ASTN2: variants seen among roughly 807,000 people sequenced by gnomAD.
ASTN2 encodes the protein astrotactin-2.
A neutral mutation model predicts 139.8 loss-of-function variants in ASTN2; 54 were observed. The observed-to-expected ratio is 0.39, with a 90% CI of 0.31 to 0.48. The LOEUF is 0.48. Ranked by LOEUF, ASTN2 falls within the 20% of genes least tolerant of loss-of-function variation. The pLI, the probability that ASTN2 is intolerant of heterozygous loss-of-function variation, is 0.95. For synonymous variants in ASTN2, 756 were observed against 719.5 expected (o/e 1.05, Z -0.81); for missense variants, 1,565 against 1,725.1 (o/e 0.91, Z 1.64).
chr9:116,973,925 C>A (rs1269703159), intron 10 of ASTN2, among the ~76,000 whole-genome samples: 19 of 152,146 alleles, frequency 1.2e-4, no homozygotes, highest in Admixed American at 1.2e-3. Flanking sequence ...TGAAAGCTGA[C>A]AAGGTGAGAG....
intron 4 of ASTN2, among the ~76,000 whole-genome samples, chr9:117,135,122 C>T (rs1829920171): frequency 6.6e-6 from 1 of 152,188 alleles, no homozygotes. Context: ...AGGATCTAGA[C>T]TAGGTAGGTA....
At chr9:116,605,700 AGCTCACTAGTT>A (rs1438290914) in intron 19 of ASTN2, among the ~76,000 whole-genome samples, 4 of 151,936 alleles carry the variant, frequency 2.6e-5, no homozygotes, top group East Asian at 1.9e-4. Flanking sequence ...ACAAGATCAG[AGCTCACTAGTT>A]GCTCACTAGT....
At chr9:116,817,988 A>G (rs1831378915) in intron 12 of ASTN2, among the ~76,000 whole-genome samples, 1 of 152,144 alleles carries the variant, frequency 6.6e-6, no homozygotes, top group Non-Finnish European at 1.5e-5. Flanking sequence ...CTAAGTTTCA[A>G]TCTCAACAAC....
At chr9:116,428,008 T>C (rs1470269297) in intron 22 of ASTN2, among the ~76,000 whole-genome samples, 2 of 152,268 alleles carry the variant, frequency 1.3e-5, no homozygotes, top group East Asian at 1.9e-4. Flanking sequence ...CATTTCTTGC[T>C]GATTTGTTGA....
At chr9:117,383,226 A>G (rs1313333238) in intron 1 of ASTN2, among the ~76,000 whole-genome samples, 1 of 152,158 alleles carries the variant, frequency 6.6e-6, no homozygotes, top group Non-Finnish European at 1.5e-5. Flanking sequence ...CAGGACATAC[A>G]AAGAGGCAAT....
chr9:116,934,642 G>A (rs1264593483), intron 10 of ASTN2, among the ~76,000 whole-genome samples: 1 of 152,050 alleles, frequency 6.6e-6, no homozygotes, highest in Non-Finnish European at 1.5e-5. Context: ...GGGGGAAGAG[G>A]ATCAAGAAAA....
intron 3 of ASTN2, among the ~76,000 whole-genome samples, chr9:117,153,865 T>C (rs1830377114): frequency 6.6e-6 from 1 of 152,074 alleles, no homozygotes; most frequent in Non-Finnish European, 1.5e-5. Context: ...GCCGAATGAA[T>C]GAACACATGT....
At chr9:116,449,350 G>A (rs1848105972) in intron 20 of ASTN2, among the ~76,000 whole-genome samples, 1 of 152,194 alleles carries the variant, frequency 6.6e-6, no homozygotes, top group Non-Finnish European at 1.5e-5. Context: ...AGGCTACAGT[G>A]AGCCAAGATG....
At chr9:117,092,132 C>T (rs969942232) in intron 5 of ASTN2, among the ~76,000 whole-genome samples, 8 of 152,170 alleles carry the variant, frequency 5.3e-5, no homozygotes, top group African/African-American at 1.7e-4. Flanking sequence ...TGAAAAGGGG[C>T]AGAGCCATGT....
chr9:116,861,860 A>G (rs1408021389), intron 11 of ASTN2, among the ~76,000 whole-genome samples: 1 of 152,216 alleles, frequency 6.6e-6, no homozygotes, highest in Admixed American at 6.5e-5. Flanking sequence ...CAAGAATGGC[A>G]CAGTGCTAAG....
intron 5 of ASTN2, among the ~76,000 whole-genome samples, chr9:117,057,000 G>A (rs928283268): frequency 2.0e-5 from 3 of 152,186 alleles, no homozygotes; most frequent in Admixed American, 2.0e-4. Context: ...TTAAGTTAAA[G>A]CAAGAAGTTT....
At chr9:117,151,872 T>C (rs1243668633) in intron 3 of ASTN2, among the ~76,000 whole-genome samples, 1 of 152,142 alleles carries the variant, frequency 6.6e-6, no homozygotes, top group Non-Finnish European at 1.5e-5. Flanking sequence ...CATTTAAAAA[T>C]TCCACTTCTT....
chr9:117,288,962 T>C (rs1347665366), intron 2 of ASTN2, among the ~76,000 whole-genome samples: 1 of 152,234 alleles, frequency 6.6e-6, no homozygotes, highest in East Asian at 1.9e-4. Context: ...ACATAACTAT[T>C]AGTATAATCC....
At chr9:117,124,740 G>A (rs1829642868) in intron 4 of ASTN2, among the ~76,000 whole-genome samples, 1 of 151,548 alleles carries the variant, frequency 6.6e-6, no homozygotes, top group Non-Finnish European at 1.5e-5. Flanking sequence ...CAGAGGTTGA[G>A]GCTGTAGCGA....
At chr9:116,724,408 G>A (rs1026274051) in intron 16 of ASTN2, among the ~76,000 whole-genome samples, 1 of 152,162 alleles carries the variant, frequency 6.6e-6, no homozygotes, top group Non-Finnish European at 1.5e-5. Flanking sequence ...AGGGCTGAGA[G>A]CACGACTGGG....
Position 116,423,965 on chromosome 9 carries a change from T to G in ASTN2, c.*1886A>C, listed in dbSNP as rs1327861992. Reference sequence around the variant, plus strand: ...TGAATGGCTTATGTTTTATTGATATTCAGTATCTTTTCCTCTTCTGAAACC... The same window carrying G: ...TGAATGGCTTATGTTTTATTGATATGCAGTATCTTTTCCTCTTCTGAAACC... On this transcript the variant is annotated 3_prime_UTR_variant, in exon 23 of 23. Transcript: ENST00000313400. Among the ~76,000 whole-genome samples the G allele has an allele frequency of 6.6e-6, 1 of 152,188 alleles. No homozygotes were observed. Among genetic ancestry groups the G allele is most frequent in the Admixed American group, 6.5e-5 (1 of 15,276 alleles).
intron 10 of ASTN2, among the ~76,000 whole-genome samples, chr9:116,943,391 A>G (rs896465482): frequency 3.9e-5 from 6 of 152,154 alleles, no homozygotes; most frequent in African/African-American, 1.2e-4. Flanking sequence ...CTGGACCCCA[A>G]CTAGCCTGCT....
At chr9:117,337,842 G>A (rs1055398260) in intron 1 of ASTN2, among the ~76,000 whole-genome samples, 23 of 152,072 alleles carry the variant, frequency 1.5e-4, no homozygotes, top group South Asian at 2.1e-4. Flanking sequence ...CAAGGCATGG[G>A]GGTGGGAGGC....
At chr9:116,748,115 T>C (rs1441121365) in intron 13 of ASTN2, among the ~76,000 whole-genome samples, 1 of 152,174 alleles carries the variant, frequency 6.6e-6, no homozygotes, top group Non-Finnish European at 1.5e-5. Flanking sequence ...AATTTAGAGA[T>C]GTGGCTGGAG....
Sources: allele counts gnomAD v4.1 joint callset (sites outside exome capture counted in the v4.1 genomes callset), GRCh38; gene constraint gnomAD v4.1.1; transcripts MANE v1.5; gene names NCBI Gene and HGNC (gene_info 2026-07-23, HGNC 2026-07-21).